Variants in NBAS observed in about 807,000 individuals in gnomAD.
NBAS encodes NAG/BC035112 fusion.
A neutral mutation model predicts 302.5 loss-of-function variants in NBAS; 219 were observed. The observed-to-expected ratio is 0.72, with a 90% CI of 0.65 to 0.81. NBAS has a LOEUF of 0.81. Ranked by LOEUF, NBAS falls within the 30% of genes least tolerant of loss-of-function variation. The pLI, the probability that NBAS is intolerant of heterozygous loss-of-function variation, is 0.00. For synonymous variants in NBAS, 1,118 were observed against 1,021.6 expected (o/e 1.09, Z -1.80); for missense variants, 2,932 against 2,841.6 (o/e 1.03, Z -0.72).
In NBAS at chr2:15,526,903, T is replaced by A. The variant is rs112807496; in HGVS notation, c.746+7640A>T. Among the ~76,000 whole-genome samples the A allele has an allele frequency of 9.9e-3, 1,501 of 152,248 alleles. 18 individuals carry two copies. The highest frequency in any genetic ancestry group is 0.031 in the African/African-American group (1,294 of 41,548). ...TCTGACTTAAAAGAAATTTATCCCA[T>A]AATAATTATTCAGTGTGTAATCATT... is the stretch of plus-strand genomic sequence containing the variant. On this transcript the variant is annotated intron_variant, in intron 9 of 51. Transcript: ENST00000281513.
chr2:14,820,945 T>TC, the NBAS span, among the ~76,000 whole-genome samples: 2 of 151,886 alleles, frequency 1.3e-5, no homozygotes, highest in Non-Finnish European at 2.9e-5. Flanking sequence ...CTTTTTTTTT[T>TC]CCGAGACGGA....
the NBAS span, among the ~76,000 whole-genome samples, chr2:15,002,975 G>A: frequency 6.6e-6 from 1 of 152,268 alleles, no homozygotes; most frequent in Non-Finnish European, 1.5e-5. Context: ...GCCCAGAAGG[G>A]GGCTCCCACG....
chr2:15,549,504 G>A (rs535479552), intron 6 of NBAS, among the ~76,000 whole-genome samples: 2 of 152,178 alleles, frequency 1.3e-5, no homozygotes, highest in South Asian at 4.2e-4. Flanking sequence ...CAAGGCGGGA[G>A]GATCACTTGA....
chr2:15,508,079 A>G (rs1414734705), intron 10 of NBAS, among the ~76,000 whole-genome samples: 2 of 152,222 alleles, frequency 1.3e-5, no homozygotes, highest in African/African-American at 4.8e-5. Flanking sequence ...TTGTGAGGTA[A>G]GGGAAGGCTA....
the NBAS span, among the ~76,000 whole-genome samples, chr2:14,934,807 T>C: frequency 6.6e-6 from 1 of 152,166 alleles, no homozygotes; most frequent in Non-Finnish European, 1.5e-5. Context: ...TGTCTGGACA[T>C]AGAATTCTAG....
chr2:15,287,027 TA>T, intron 42 of NBAS, 45 bp downstream of exon 42: 2 of 1,472,368 alleles, frequency 1.4e-6, no homozygotes, highest in Non-Finnish European at 9.5e-7. Context: ...AAATAGACTC[TA>T]AAGAAAGACA....
chr2:15,100,919 G>A, the NBAS span, among the ~76,000 whole-genome samples: 1 of 152,154 alleles, frequency 6.6e-6, no homozygotes, highest in Non-Finnish European at 1.5e-5. Flanking sequence ...AATAGATTTT[G>A]GGTGCATTTG....
the NBAS span, among the ~76,000 whole-genome samples, chr2:14,931,387 C>T: frequency 4.8e-4 from 73 of 152,242 alleles, no homozygotes; most frequent in African/African-American, 1.7e-3. Context: ...CAAACGGCCC[C>T]CTTGTTTCTG....
intron 24 of NBAS, among the ~76,000 whole-genome samples, chr2:15,416,457 A>C (rs894735375): frequency 1.3e-5 from 2 of 152,206 alleles, no homozygotes; most frequent in African/African-American, 4.8e-5. Context: ...TAGGTAGATT[A>C]TCAGGAAAAG....
chr2:15,543,360 T>C (rs895818232), intron 6 of NBAS, among the ~76,000 whole-genome samples: 1 of 152,232 alleles, frequency 6.6e-6, no homozygotes, highest in South Asian at 2.1e-4. Context: ...AGGCATTCTG[T>C]GACCACCCTA....
intron 51 of NBAS, 57 bp from the exon 52 acceptor site, chr2:15,167,380 C>T (rs1664079883): frequency 4.4e-6 from 7 of 1,595,506 alleles, no homozygotes; most frequent in Non-Finnish European, 6.0e-6. Context: ...TCGCCTCCCC[C>T]TTGGATCCCT....
chr2:14,967,195 T>C, the NBAS span, among the ~76,000 whole-genome samples: 15 of 152,200 alleles, frequency 9.9e-5, no homozygotes, highest in African/African-American at 3.1e-4. Context: ...ACTGGAATAC[T>C]GAATATTACT....
the NBAS span, among the ~76,000 whole-genome samples, chr2:15,109,452 C>A: frequency 1.3e-5 from 2 of 152,100 alleles, no homozygotes; most frequent in South Asian, 2.1e-4. Flanking sequence ...AGAATTATAT[C>A]CAAAAGTGCT....
intron 5 of NBAS, among the ~76,000 whole-genome samples, chr2:15,553,049 C>T (rs182930932): frequency 3.5e-3 from 527 of 152,196 alleles, no homozygotes; most frequent in Middle Eastern, 6.9e-3. Flanking sequence ...GTGATCTGCC[C>T]GCCTCGGCCT....
the NBAS span, among the ~76,000 whole-genome samples, chr2:14,850,080 A>G: frequency 7.3e-6 from 1 of 136,872 alleles, no homozygotes; most frequent in Non-Finnish European, 1.5e-5. Flanking sequence ...ACATAACAAT[A>G]TTAACTTTAA....
chr2:15,412,445 T>C (rs1383252276), intron 25 of NBAS, among the ~76,000 whole-genome samples: 1 of 152,190 alleles, frequency 6.6e-6, no homozygotes, highest in African/African-American at 2.4e-5. Context: ...TTGACACTTG[T>C]GAGAAATAAA....
the NBAS span, among the ~76,000 whole-genome samples, chr2:15,119,595 T>C: frequency 2.6e-5 from 4 of 152,166 alleles, no homozygotes; most frequent in Admixed American, 6.5e-5. Context: ...TGCCTCGGCC[T>C]CTCAGAGTGC....
the NBAS span, among the ~76,000 whole-genome samples, chr2:14,871,979 T>C: frequency 1.3e-5 from 2 of 152,094 alleles, no homozygotes; most frequent in Non-Finnish European, 2.9e-5. Context: ...CCCAAATATA[T>C]GCTGACTACA....
Position 15,268,353 on chromosome 2 carries a change from G to A in NBAS, c.5724+7131C>T, listed in dbSNP as rs75221077. ...AGTATATCCGTCCAACAATGGTTAC[G>A]GAGGCTCTGAGAGTGACTAGCCTGA... On this transcript the variant is annotated intron_variant, in intron 44 of 51. Coordinates refer to ENST00000281513, the MANE Select transcript of NBAS (RefSeq NM_015909.4). 4.5e-3 allele frequency among the ~76,000 whole-genome samples: 680 copies of A among 152,290 alleles called. 8 individuals are homozygous for A. The highest frequency in any genetic ancestry group is 0.015 in the African/African-American group (640 of 41,552).
Sources: allele counts gnomAD v4.1 joint callset (sites outside exome capture counted in the v4.1 genomes callset), GRCh38; gene constraint gnomAD v4.1.1; transcripts MANE v1.5; gene names NCBI Gene and HGNC (gene_info 2026-07-23, HGNC 2026-07-21).